Variants in ARHGAP26 observed in about 807,000 individuals in gnomAD.
The protein encoded by ARHGAP26 is Rho GTPase activating protein 26.
Under a neutral mutation model 104.8 loss-of-function variants are expected in ARHGAP26, and 38 were observed. That is an observed-to-expected ratio of 0.36 (90% CI 0.28 to 0.48). The LOEUF is 0.48. Among genes scored for constraint, ARHGAP26 ranks in the 20% least tolerant of loss-of-function variants. The pLI is 0.99. For missense variants in ARHGAP26, 704 were observed against 947.9 expected, an observed-to-expected ratio of 0.74 and a Z score of 3.38; for synonymous variants, 341 against 340.0, an observed-to-expected ratio of 1.00 and a Z score of -0.03.
At chr5:143,144,126 A>G (rs1214071062) in intron 19 of ARHGAP26, among the ~76,000 whole-genome samples, 1 of 152,124 alleles carries the variant, frequency 6.6e-6, no homozygotes, top group Non-Finnish European at 1.5e-5. Flanking sequence ...TTTCTTTTGA[A>G]GCCCACTAGC....
At chr5:143,104,621 T>C (rs1793737058) in intron 17 of ARHGAP26, among the ~76,000 whole-genome samples, 1 of 152,212 alleles carries the variant, frequency 6.6e-6, no homozygotes, top group Non-Finnish European at 1.5e-5. Context: ...TACATAGAGA[T>C]TCACTGCAAT....
chr5:142,777,634 G>T lies in ARHGAP26; in HGVS notation c.154+6719G>T, dbSNP rs74691290. Among the ~76,000 whole-genome samples the T allele has an allele frequency of 5.1e-3, 783 of 152,246 alleles. 15 individuals are homozygous for T. The highest frequency in any genetic ancestry group is 0.033 in the East Asian group (169 of 5,184). On this transcript the variant is annotated intron_variant, in intron 1 of 22. Coordinates refer to ENST00000645722, the MANE Select transcript of ARHGAP26 (RefSeq NM_001135608.3). ...TTTTTGCCATCAGAAGAAGAGTTTC[G>T]TTCAGGAAATACGGAGACCCTGCTC...
intron 11 of ARHGAP26, among the ~76,000 whole-genome samples, chr5:142,950,984 T>A (rs1317158107): frequency 6.6e-6 from 1 of 151,026 alleles, no homozygotes; most frequent in African/African-American, 2.4e-5. Flanking sequence ...TCCCTTTCCC[T>A]TCCTCTTTCC....
At chr5:142,828,964 A>C (rs1767857464) in intron 1 of ARHGAP26, among the ~76,000 whole-genome samples, 4 of 152,134 alleles carry the variant, frequency 2.6e-5, no homozygotes, top group Admixed American at 2.6e-4. Flanking sequence ...TCACCTGTTA[A>C]AGTGTTTCTG....
intron 20 of ARHGAP26, among the ~76,000 whole-genome samples, chr5:143,204,205 A>C (rs1348889910): frequency 2.0e-5 from 3 of 152,200 alleles, no homozygotes; most frequent in Non-Finnish European, 4.4e-5. Context: ...TAAACAAATG[A>C]AATTCTGAAA....
chr5:142,858,798 C>T (rs1000764212), intron 1 of ARHGAP26, among the ~76,000 whole-genome samples: 10 of 152,156 alleles, frequency 6.6e-5, no homozygotes, highest in Admixed American at 2.0e-4. Context: ...TGAGAGTGTA[C>T]CCCTGGGGTG....
intron 10 of ARHGAP26, among the ~76,000 whole-genome samples, chr5:142,920,722 A>G (rs1205591296): frequency 6.6e-6 from 1 of 152,196 alleles, no homozygotes; most frequent in Non-Finnish European, 1.5e-5. Flanking sequence ...TGGAGTTGTA[A>G]TAAGGGATAA....
intron 12 of ARHGAP26, among the ~76,000 whole-genome samples, chr5:143,020,755 C>T (rs1780235679): frequency 6.6e-6 from 1 of 151,262 alleles, no homozygotes; most frequent in Non-Finnish European, 1.5e-5. Context: ...TCTCCTGCCT[C>T]AGCCTCCCAA....
chr5:142,895,015 T>C (rs1019811126), intron 6 of ARHGAP26, among the ~76,000 whole-genome samples: 4 of 152,206 alleles, frequency 2.6e-5, no homozygotes, highest in Non-Finnish European at 5.9e-5. Flanking sequence ...CATTTGGACA[T>C]GGTGCCACTC....
intron 13 of ARHGAP26, 85 bp from the exon 14 acceptor site, chr5:143,041,731 A>C: frequency 9.4e-7 from 1 of 1,067,734 alleles, no homozygotes; most frequent in Non-Finnish European, 1.4e-6. Context: ...TGAAAAAAAA[A>C]AAAAAAAAAA....
Position 142,871,264 on chromosome 5 carries a change from G to A in ARHGAP26, c.155-2136G>A, listed in dbSNP as rs924648420. Among the ~76,000 whole-genome samples the A allele has an allele frequency of 1.8e-4, 28 of 152,194 alleles. No individual in the cohort carries two copies. Among genetic ancestry groups the A allele is most frequent in the Admixed American group, 7.8e-4 (12 of 15,292 alleles). ...CAGGCCCTGCCCTGGTTCAATGGGT[G>A]CCCCTGTGCAGAAGCCTCACAAAGG... On this transcript the variant is annotated intron_variant, in intron 1 of 22. Transcript: ENST00000645722. This position sits in a 1 kb window ranked among gnomAD's most constrained non-coding sequence, Gnocchi z 4.1.
At chr5:142,789,002 A>C (rs1259700022) in intron 1 of ARHGAP26, among the ~76,000 whole-genome samples, 2 of 152,226 alleles carry the variant, frequency 1.3e-5, no homozygotes, top group Non-Finnish European at 2.9e-5. Context: ...AGACAACTAA[A>C]AAGTGCTGTT....
intron 19 of ARHGAP26, among the ~76,000 whole-genome samples, chr5:143,143,795 T>C (rs116819028): frequency 1.1e-3 from 161 of 152,362 alleles, no homozygotes; most frequent in Non-Finnish European, 2.0e-3. Flanking sequence ...CCAGACAGCA[T>C]GTCCCTGCCC....
Position 143,014,077 on chromosome 5 carries a change from C to T in ARHGAP26, c.1108-3C>T, listed in dbSNP as rs1326566199. The T allele has an allele frequency of 6.2e-7, 1 of 1,613,940 alleles. No homozygotes were observed. Among genetic ancestry groups the T allele is most frequent in the African/African-American group, 1.3e-5 (1 of 74,986 alleles). ...TAAGTGAATTTTTATTTTTATTTTC[C>T]AGGTCTACAACTCGAACAAAGACAG... On this transcript the variant is annotated splice_region_variant and splice_polypyrimidine_tract_variant and intron_variant, in intron 11 of 22. Transcript: ENST00000645722.
intron 1 of ARHGAP26, among the ~76,000 whole-genome samples, chr5:142,816,399 AG>A (rs1428582990): frequency 6.6e-6 from 1 of 152,224 alleles, no homozygotes; most frequent in Non-Finnish European, 1.5e-5. Flanking sequence ...TCTTCCCCTA[AG>A]GAGCATCTGG....
At chr5:143,012,637 C>T (rs1351821865) in intron 11 of ARHGAP26, among the ~76,000 whole-genome samples, 1 of 129,568 alleles carries the variant, frequency 7.7e-6, no homozygotes, top group Admixed American at 8.4e-5. Context: ...CAAAGAAGGG[C>T]TTGGGTTCTA....
In ARHGAP26 at chr5:143,206,837, G is replaced by C. The variant is rs118002193; in HGVS notation, c.1989-361G>C. Among the ~76,000 whole-genome samples, 6 of 152,342 alleles carry C rather than the reference G, an allele frequency of 3.9e-5. 1 individual carries two copies. In the East Asian group the frequency reaches 9.6e-4, roughly 24 times the overall value. Reference sequence around the variant, plus strand: ...CCACAAGAGTGGAAGCTGAAGGCTCGCTATAAGCTAGCCCTGCCTCAGAAC... The same window carrying C: ...CCACAAGAGTGGAAGCTGAAGGCTCCCTATAAGCTAGCCCTGCCTCAGAAC... On this transcript the variant is annotated intron_variant, in intron 20 of 22. Transcript: ENST00000645722.
chr5:143,059,450 A>G (rs1250354765), intron 17 of ARHGAP26, among the ~76,000 whole-genome samples: 1 of 152,242 alleles, frequency 6.6e-6, no homozygotes, highest in South Asian at 2.1e-4. Context: ...TCTTTAAAGA[A>G]GAAGAAAAAA....
chr5:143,007,502 T>C (rs912972497), intron 11 of ARHGAP26, among the ~76,000 whole-genome samples: 3 of 152,252 alleles, frequency 2.0e-5, no homozygotes, highest in Admixed American at 1.3e-4. Flanking sequence ...TAATTACTGC[T>C]TAGCCTCTTT....
Sources: allele counts gnomAD v4.1 joint callset (sites outside exome capture counted in the v4.1 genomes callset), GRCh38; gene constraint gnomAD v4.1.1; non-coding constraint Gnocchi (gnomAD v3.1); transcripts MANE v1.5; gene names NCBI Gene and HGNC (gene_info 2026-07-23, HGNC 2026-07-21).